The following SCAI variants were observed in gnomAD, a reference collection of about 807,000 sequenced individuals.
SCAI encodes protein SCAI.
In SCAI, 24 loss-of-function variants were observed where a neutral mutation model predicts 92.2. That is an observed-to-expected ratio of 0.26 (90% CI 0.19 to 0.37). The LOEUF (loss-of-function observed/expected upper bound fraction) is 0.37, where lower values mean the gene tolerates loss of function less well. Among genes scored for constraint, SCAI ranks in the 10% least tolerant of loss-of-function variants. The pLI is 1.00. For missense variants in SCAI, 450 were observed against 736.2 expected (o/e 0.61, Z 4.50); for synonymous variants, 261 against 258.6 (o/e 1.01, Z -0.09).
chr9:125,081,072 T>G lies in SCAI; in HGVS notation c.99-25065A>C, dbSNP rs577146055. Among the ~76,000 whole-genome samples, 3 of 152,346 alleles carry G rather than the reference T, an allele frequency of 2.0e-5. No individual in the cohort carries two copies. The South Asian group carries it at 6.2e-4, about 32-fold the overall frequency. On this transcript the variant is annotated intron_variant, in intron 2 of 17. Transcript: ENST00000336505. ...TGATTGTGAGGCCTCCCCAGCCACA[T>G]GGAACTGTAAGTCCAATTAAACCTC...
chr9:124,993,898 G>A (rs968944896), intron 14 of SCAI, among the ~76,000 whole-genome samples: 3 of 152,238 alleles, frequency 2.0e-5, no homozygotes, highest in Admixed American at 2.0e-4. Context: ...TGTGCACCCA[G>A]AATATTTTGA....
intron 9 of SCAI, among the ~76,000 whole-genome samples, chr9:125,014,114 G>T (rs1034165780): frequency 4.6e-5 from 7 of 151,296 alleles, no homozygotes; most frequent in South Asian, 2.1e-4. Flanking sequence ...CTTTGAAAAC[G>T]GGCACAAGAC....
At chr9:124,986,095 T>C (rs1193167758) in intron 14 of SCAI, among the ~76,000 whole-genome samples, 2 of 151,966 alleles carry the variant, frequency 1.3e-5, no homozygotes, top group African/African-American at 2.4e-5. Flanking sequence ...ATAGAGACCA[T>C]CCTGGCTAAC....
At chr9:125,136,874 C>T (rs1835545937) in intron 2 of SCAI, among the ~76,000 whole-genome samples, 1 of 151,754 alleles carries the variant, frequency 6.6e-6, no homozygotes, top group African/African-American at 2.4e-5. Context: ...GATTCTCCTG[C>T]CTCAGCCTCG....
intron 2 of SCAI, among the ~76,000 whole-genome samples, chr9:125,102,850 G>A (rs1332493544): frequency 6.6e-6 from 1 of 151,824 alleles, no homozygotes; most frequent in East Asian, 1.9e-4. Flanking sequence ...CACCCACCCC[G>A]GCCTCCCAAA....
rs564430709 is a variant in SCAI, at chr9:125,038,679, T to C, written c.231-8940A>G. ...CTTCATTCTCTTGACTTCATATTTA[T>C]CATTTTCTCAGGATACTGAGAGATC... On this transcript the variant is annotated intron_variant, in intron 3 of 17. Coordinates refer to ENST00000336505, the MANE Select transcript of SCAI (RefSeq NM_001144877.3). 1.5e-4 allele frequency among the ~76,000 whole-genome samples: 23 copies of C among 152,366 alleles called. 1 individual carries two copies. The highest frequency in any genetic ancestry group is 3.9e-4 in the East Asian group (2 of 5,192).
intron 14 of SCAI, among the ~76,000 whole-genome samples, chr9:124,981,364 A>G (rs977831801): frequency 2.6e-5 from 4 of 152,158 alleles, no homozygotes; most frequent in Admixed American, 6.5e-5. Flanking sequence ...ACTAATCCGA[A>G]CAACTCTTGT....
At chr9:125,027,254 T>G (rs1832981974) in intron 5 of SCAI, among the ~76,000 whole-genome samples, 1 of 152,196 alleles carries the variant, frequency 6.6e-6, no homozygotes, top group Admixed American at 6.5e-5. Context: ...TACAGTCCTT[T>G]GGCCCATTTC....
chr9:125,016,087 G>A (rs1455955533), intron 9 of SCAI, among the ~76,000 whole-genome samples: 2 of 149,496 alleles, frequency 1.3e-5, no homozygotes, highest in Non-Finnish European at 3.0e-5. Flanking sequence ...GCTAAAAGAC[G>A]AGTTAATGGG....
chr9:125,018,936 C>A lies in SCAI; in HGVS notation c.724G>T (p.Val242Leu), dbSNP rs998378790. The A allele has an allele frequency of 6.2e-7, 1 of 1,612,842 alleles. No individual in the cohort carries two copies. Among genetic ancestry groups the A allele is most frequent in the Non-Finnish European group, 8.5e-7 (1 of 1,179,722 alleles). ...ACAATGGTATTATCATCATTTAATA[C>A]CATTACAGGATCCGCCTAAAGAAAA... is the stretch of plus-strand genomic sequence containing the variant. Reference protein sequence around the residue: ...AAFIEADPVMVLNDDNTIVIT... With the variant: ...AAFIEADPVMLLNDDNTIVIT... Residue 242 changes from valine (V) to leucine (L), a missense_variant, in exon 9 of 18, where the codon GTA (valine) becomes TTA (leucine). Coordinates refer to ENST00000336505, the MANE Select transcript of SCAI (RefSeq NM_001144877.3).
rs141642610 is a variant in SCAI at position 125,115,720 on chromosome 9, T to C, written c.98+26913A>G. Among the ~76,000 whole-genome samples, 8 of 152,254 alleles carry C rather than the reference T, an allele frequency of 5.3e-5. No homozygotes were observed. In the East Asian group the frequency reaches 1.5e-3, roughly 29 times the overall value. On this transcript the variant is annotated intron_variant, in intron 2 of 17. Transcript: ENST00000336505. ...CTTAAATAATATAGTTATATTCATG[T>C]TGTAAAATTATGAAAAAAATGCAAA...
At chr9:124,977,716 C>T (rs1209538700) in intron 14 of SCAI, among the ~76,000 whole-genome samples, 2 of 151,994 alleles carry the variant, frequency 1.3e-5, no homozygotes, top group East Asian at 1.9e-4. Context: ...AGAAGAAAAA[C>T]GTCAGTAATT....
intron 14 of SCAI, among the ~76,000 whole-genome samples, chr9:124,987,758 T>C (rs181969475): frequency 7.2e-5 from 11 of 152,174 alleles, no homozygotes; most frequent in Non-Finnish European, 1.5e-4. Context: ...GGTCGGGAAT[T>C]TGAGACCAGC....
In SCAI at chr9:125,012,174, C is replaced by T. The variant is rs548698264; in HGVS notation, c.861+6625G>A. Among the ~76,000 whole-genome samples the T allele has an allele frequency of 3.1e-3, 468 of 152,238 alleles. 6 individuals carry two copies. The highest frequency in any genetic ancestry group is 0.014 in the South Asian group (68 of 4,826). ...TCATAATGACAGGATCAAATTCACA[C>T]ATAACAATATTAACTTTAAATGTAA... is the stretch of plus-strand genomic sequence containing the variant. On this transcript the variant is annotated intron_variant, in intron 9 of 17. Coordinates refer to ENST00000336505, the MANE Select transcript of SCAI (RefSeq NM_001144877.3).
At chr9:125,136,769 C>CTT (rs796469701) in intron 2 of SCAI, among the ~76,000 whole-genome samples, 131 of 118,962 alleles carry the variant, frequency 1.1e-3, no homozygotes, top group African/African-American at 3.5e-3. Context: ...ACTAATACCA[C>CTT]TTTTTTTTTT....
intron 2 of SCAI, among the ~76,000 whole-genome samples, chr9:125,095,391 A>C (rs1834524808): frequency 6.6e-6 from 1 of 152,246 alleles, no homozygotes; most frequent in Non-Finnish European, 1.5e-5. Context: ...TGGAGCCCCT[A>C]ACCTGTGATA....
chr9:125,046,328 CA>C (rs2131119671), intron 3 of SCAI, among the ~76,000 whole-genome samples: 1 of 40,758 alleles, frequency 2.5e-5, no homozygotes, highest in East Asian at 8.9e-4. Flanking sequence ...CACACACACA[CA>C]CACATATATA....
chr9:125,126,392 G>T (rs7049182), intron 2 of SCAI, among the ~76,000 whole-genome samples: 6,867 of 114,898 alleles, frequency 0.06, 365 homozygotes, highest in African/African-American at 0.16. Context: ...GTGAGTTGGG[G>T]GTGTGTGTGT....
Position 125,129,968 on chromosome 9 carries a change from G to A in SCAI, c.98+12665C>T, listed in dbSNP as rs1318154580. Among the ~76,000 whole-genome samples, 7 of 150,410 alleles carry A rather than the reference G, an allele frequency of 4.7e-5. No individual in the cohort carries two copies. In the South Asian group the frequency reaches 6.3e-4, roughly 13 times the overall value. ...GGGTGGAGTGCCGTAATGCTATCTC[G>A]GCTCACTGCAACCTCCACCTCCTGG... On this transcript the variant is annotated intron_variant, in intron 2 of 17. Coordinates refer to ENST00000336505, the MANE Select transcript of SCAI (RefSeq NM_001144877.3).
Sources: allele counts gnomAD v4.1 joint callset (sites outside exome capture counted in the v4.1 genomes callset), GRCh38; gene constraint gnomAD v4.1.1; transcripts MANE v1.5; gene names NCBI Gene and HGNC (gene_info 2026-07-23, HGNC 2026-07-21).